Variants in KLRK1 observed in about 807,000 individuals in gnomAD.
KLRK1 encodes the protein killer cell lectin like receptor K1, also known as NKG2-D type II integral membrane protein.
In KLRK1, 40 loss-of-function variants were observed where a neutral mutation model predicts 31.3. The ratio of observed to expected loss-of-function variants is 1.28; its 90% CI spans 0.99 to 1.67. The LOEUF (loss-of-function observed/expected upper bound fraction) is 1.67. Ranked by LOEUF, KLRK1 falls within the 40% of genes most tolerant of loss-of-function variation. The probability of loss-of-function intolerance (pLI) is 0.00; values close to 1 mark genes in which losing one functional copy is unlikely to be tolerated. For missense variants in KLRK1, 251 were observed against 260.0 expected (o/e 0.97, Z 0.24); for synonymous variants, 77 against 77.3 (o/e 1.00, Z 0.02).
At chr12:10,386,834 A>G in intron 3 of KLRK1, 69 bp downstream of exon 3, 1 of 1,239,920 alleles carries the variant, frequency 8.1e-7, no homozygotes, top group South Asian at 1.7e-5. Context: ...ATTGCCATTC[A>G]TTTAATCACA....
chr12:10,383,943 A>T (rs529765859), intron 3 of KLRK1, among the ~76,000 whole-genome samples: 2 of 152,254 alleles, frequency 1.3e-5, no homozygotes, highest in Non-Finnish European at 2.9e-5. Flanking sequence ...TACAAAAATC[A>T]GTAGTGTTTC....
chr12:10,385,367 GACACACACAC>G (rs3055416), intron 3 of KLRK1, among the ~76,000 whole-genome samples: 10 of 145,822 alleles, frequency 6.9e-5, no homozygotes, highest in Middle Eastern at 3.4e-3. Flanking sequence ...AGCACACACA[GACACACACAC>G]ACACACACAC....
chr12:10,382,229 C>T (rs1378645515), intron 3 of KLRK1: 2 of 152,148 alleles, frequency 1.3e-5, no homozygotes, highest in Non-Finnish European at 2.9e-5. Context: ...TATGAATAAC[C>T]AAATACCGGA....
At chr12:10,381,778 A>AAAAC (rs1863080862) in intron 3 of KLRK1, 1 of 152,346 alleles carries the variant, frequency 6.6e-6, no homozygotes, top group African/African-American at 2.4e-5. Flanking sequence ...ATAACGAGAA[A>AAAAC]AAACACATTA....
Position 10,379,482 on chromosome 12 carries a change from G to A in KLRK1, c.242C>T (p.Ser81Leu). The change falls in exon 5 of 8, where the codon TCA becomes TTA. Residue 81 changes from serine (S) to leucine (L), a missense_variant and splice_region_variant. Transcript: ENST00000240618. ...AATTTGAACTTCTTGGTTGAATAATGCTATTAAAATAACCATAAGTATTAA... is the reference window on the plus strand; with the variant it reads ...AATTTGAACTTCTTGGTTGAATAATACTATTAAAATAACCATAAGTATTAA... ...VTIWSAVFLN[S>L]LFNQEVQIPL... 6.8e-7 allele frequency: 1 copy of A among 1,471,464 alleles called. No individual in the cohort carries two copies. Among genetic ancestry groups the A allele is most frequent in the South Asian group, 1.3e-5 (1 of 77,338 alleles). The allele number at this position is 1,471,464 out of a possible 1,614,324, so 91.2% of individuals were successfully genotyped here.
Position 10,379,773 on chromosome 12 carries a change from G to C in KLRK1, c.168C>G (p.Cys56Trp). 6.2e-7 allele frequency: 1 copy of C among 1,610,474 alleles called. No individual in the cohort carries two copies. The highest frequency in any genetic ancestry group is 8.5e-7 in the Non-Finnish European group (1 of 1,178,342). ...TTCCCATGGCTACAGCGATGAAGCA[G>C]CAGAAAAAAAATGGAGATGCTGTCA... ...CRENASPFFF[C>W]CFIAVAMGIR... Residue 56 changes from cysteine (C) to tryptophan (W), a missense_variant, in exon 4 of 8, where the codon TGC (cysteine) becomes TGG (tryptophan). Coordinates refer to ENST00000240618, the MANE Select transcript of KLRK1 (RefSeq NM_007360.4).
chr12:10,379,870 G>C, intron 3 of KLRK1, 78 bp from the exon 4 acceptor site: 5 of 1,322,184 alleles, frequency 3.8e-6, no homozygotes, highest in South Asian at 3.2e-5. Context: ...ATAAATATTA[G>C]AGTTTTTTAA....
chr12:10,378,411 T>C (rs185901560), intron 6 of KLRK1, 143 bp downstream of exon 6: 14 of 1,420,670 alleles, frequency 9.9e-6, no homozygotes, highest in Non-Finnish European at 1.3e-5. Flanking sequence ...TGTGCTTTGT[T>C]ATTTTCAATG....
At position 10,372,645 on chromosome 12, in the gene KLRK1, G is replaced by C. The variant is rs138620313; in HGVS notation, c.*469C>G. The C allele has an allele frequency of 5.3e-6, 1 of 188,532 alleles. No individual in the cohort carries two copies. Among genetic ancestry groups the C allele is most frequent in the Admixed American group, 6.4e-5 (1 of 15,540 alleles). The allele number at this position is 188,532 out of a possible 1,614,324, so 11.7% of individuals were successfully genotyped here. ...CACCTCCCTGACCCCGTTGGGTGGA[G>C]GACCCATTAAAAGTGGCAGCATGAC... On this transcript the variant is annotated 3_prime_UTR_variant, in exon 8 of 8. Coordinates refer to ENST00000240618, the MANE Select transcript of KLRK1 (RefSeq NM_007360.4).
intron 3 of KLRK1, 43 bp from the exon 4 acceptor site, chr12:10,379,835 A>G (rs2617151): frequency 0.81 from 1,274,396 of 1,568,942 alleles, 518,233 homozygotes; most frequent in Admixed American, 0.88. Context: ...GAAGCATAAA[A>G]GGTTTGGGTA....
chr12:10,378,930 AC>A, intron 5 of KLRK1: 3 of 391,192 alleles, frequency 7.7e-6, no homozygotes, highest in Non-Finnish European at 1.3e-5. Context: ...AAGGCAGGTG[AC>A]TCACTTGAGG....
At chr12:10,382,875 G>GT (rs1235651276) in intron 3 of KLRK1, among the ~76,000 whole-genome samples, 3 of 151,860 alleles carry the variant, frequency 2.0e-5, no homozygotes, top group Non-Finnish European at 4.4e-5. Context: ...GAGTTGTTTA[G>GT]TTTTTTCTTT....
At chr12:10,387,823 G>A (rs1010056125) in intron 2 of KLRK1, among the ~76,000 whole-genome samples, 1 of 152,032 alleles carries the variant, frequency 6.6e-6, no homozygotes, top group African/African-American at 2.4e-5. Flanking sequence ...TGGGATTATA[G>A]GCATGAGCCA....
Position 10,373,153 on chromosome 12 carries a change from T to C in KLRK1, c.612A>G (p.Ser204=). The C allele has an allele frequency of 6.2e-7, 1 of 1,612,386 alleles. No homozygotes were observed. The highest frequency in any genetic ancestry group is 8.5e-7 in the Non-Finnish European group (1 of 1,179,434). Residue 204 remains serine, a synonymous_variant, in exon 8 of 8, where the codon TCA becomes TCG. Coordinates refer to ENST00000240618, the MANE Select transcript of KLRK1 (RefSeq NM_007360.4). ...SSFKGYIENC[S]TPNTYICMQR... Reference sequence around the variant, plus strand: ...GCATGCAGATGTACGTATTTGGAGTTGAACAGTTTTCTATATAGCCTTTAA... The same window carrying C: ...GCATGCAGATGTACGTATTTGGAGTCGAACAGTTTTCTATATAGCCTTTAA...
intron 7 of KLRK1, among the ~76,000 whole-genome samples, chr12:10,377,689 T>C (rs536639146): frequency 6.6e-6 from 1 of 152,206 alleles, no homozygotes; most frequent in Non-Finnish European, 1.5e-5. Context: ...TTCCAGGTAA[T>C]TTATATGTTA....
intron 5 of KLRK1, chr12:10,379,025 ACG>A: frequency 3.5e-5 from 7 of 199,122 alleles, no homozygotes; most frequent in Non-Finnish European, 7.0e-5. Flanking sequence ...GTGGTGGCTC[ACG>A]CCTGCAGTCC....
rs372084787 is a variant in KLRK1, at chr12:10,378,540, A to C, written c.429+14T>G. ...GATTAAATACAGGATGGGAAATTAA[A>C]ATAAATACTCAACCTGGTCCTCTTT... On this transcript the variant is annotated intron_variant, in intron 6 of 7. Coordinates refer to ENST00000240618, the MANE Select transcript of KLRK1 (RefSeq NM_007360.4). The C allele has an allele frequency of 7.5e-6, 12 of 1,608,114 alleles. No individual in the cohort carries two copies. Among genetic ancestry groups the C allele is most frequent in the Non-Finnish European group, 1.0e-5 (12 of 1,178,874 alleles).
intron 5 of KLRK1, 107 bp from the exon 6 acceptor site, chr12:10,378,812 T>TATTAA (rs1422756861): frequency 4.6e-6 from 6 of 1,290,448 alleles, no homozygotes; most frequent in Non-Finnish European, 6.3e-6. Flanking sequence ...AATTTCAGAT[T>TATTAA]ATTAAATTAT....
intron 2 of KLRK1, among the ~76,000 whole-genome samples, chr12:10,388,313 A>T (rs948870623): frequency 6.6e-6 from 1 of 152,192 alleles, no homozygotes; most frequent in South Asian, 2.1e-4. Flanking sequence ...AAATTTATAA[A>T]CACCTTTAGG....
Sources: allele counts gnomAD v4.1 joint callset (sites outside exome capture counted in the v4.1 genomes callset), GRCh38; gene constraint gnomAD v4.1.1; transcripts MANE v1.5; gene names NCBI Gene and HGNC (gene_info 2026-07-23, HGNC 2026-07-21).